AKAP6: variants seen among roughly 807,000 people sequenced by gnomAD.
AKAP6 encodes the protein A-kinase anchor protein 6.
Under a neutral mutation model 188.5 loss-of-function variants are expected in AKAP6, and 58 were observed. The ratio of observed to expected loss-of-function variants is 0.31; its 90% CI spans 0.25 to 0.38. The LOEUF is 0.38. AKAP6 is among the 10% of genes least tolerant of loss of function. The pLI is 1.00. For missense variants in AKAP6, 2,710 were observed against 2,740.0 expected (o/e 0.99, Z 0.24); for synonymous variants, 989 against 998.6 (o/e 0.99, Z 0.18).
rs1453018801 is a variant in AKAP6, at chr14:32,536,169, G to A, written c.576+364G>A. Among the ~76,000 whole-genome samples, 3 of 152,186 alleles carry A rather than the reference G, an allele frequency of 2.0e-5. No homozygotes were observed. The East Asian group carries it at 5.8e-4, about 29-fold the overall frequency. On this transcript the variant is annotated intron_variant, in intron 3 of 13. Coordinates refer to ENST00000280979, the MANE Select transcript of AKAP6 (RefSeq NM_004274.5). ...GGTTTCTGTCTTCAAGTAGCTTTGA[G>A]TCTAGAGGAAAATGGAGCCAAGTGA...
intron 1 of AKAP6, among the ~76,000 whole-genome samples, chr14:32,379,720 A>C (rs1888283691): frequency 6.6e-6 from 1 of 152,110 alleles, no homozygotes; most frequent in Non-Finnish European, 1.5e-5. Flanking sequence ...CCTCAAACTC[A>C]ACACTTTAGA....
At chr14:32,501,367 A>G (rs896877362) in intron 2 of AKAP6, among the ~76,000 whole-genome samples, 1 of 152,180 alleles carries the variant, frequency 6.6e-6, no homozygotes, top group Non-Finnish European at 1.5e-5. Context: ...TCATTTTTCT[A>G]GGACCTCAGA....
In AKAP6 at chr14:32,685,593, G is replaced by A. The variant is rs182300471; in HGVS notation, c.2879+7134G>A. 2.6e-5 allele frequency among the ~76,000 whole-genome samples: 4 copies of A among 151,838 alleles called. No homozygotes were observed. In the East Asian group the frequency reaches 7.8e-4, roughly 30 times the overall value. On this transcript the variant is annotated intron_variant, in intron 8 of 13. Transcript: ENST00000280979. ...CAAAAAATTAGCCAGGCATGGTGGT[G>A]GGCGCCTGTACTCCCAGCTACTAGG...
In AKAP6 at chr14:32,732,534, C is replaced by A. The variant is rs368446820; in HGVS notation, c.3081C>A (p.Gly1027=). The change falls in exon 10 of 14, where the codon GGC becomes GGA. Residue 1027 remains glycine (G), a synonymous_variant. Coordinates refer to ENST00000280979, the MANE Select transcript of AKAP6 (RefSeq NM_004274.5). ...AGGTTGAAGCTTTGAAGAAAGGTGG[C>A]GTTTTACTACCAAATGATCTCCTTG... ...LSKVEALKKG[G]VLLPNDLLEK... 9.9e-6 allele frequency: 16 copies of A among 1,613,464 alleles called. No homozygotes were observed. Among genetic ancestry groups the A allele is most frequent in the Admixed American group, 3.3e-5 (2 of 59,898 alleles).
chr14:32,588,308 A>G (rs1566591725), intron 5 of AKAP6, among the ~76,000 whole-genome samples: 1 of 152,252 alleles, frequency 6.6e-6, no homozygotes, highest in Non-Finnish European at 1.5e-5. Flanking sequence ...TTGTGTGGAT[A>G]TGCCACAGTT....
intron 1 of AKAP6, among the ~76,000 whole-genome samples, chr14:32,346,969 TATAG>T (rs573616254): frequency 4.4e-4 from 67 of 152,354 alleles, no homozygotes; most frequent in Non-Finnish European, 8.1e-4. Context: ...CAAAATATCA[TATAG>T]AGATATTTAT....
chr14:32,699,138 C>CT (rs1440546387), intron 9 of AKAP6, among the ~76,000 whole-genome samples: 2 of 152,050 alleles, frequency 1.3e-5, no homozygotes, highest in African/African-American at 4.8e-5. Context: ...GCTTATTTAG[C>CT]TTTTTCAACA....
intron 5 of AKAP6, among the ~76,000 whole-genome samples, chr14:32,591,739 A>G (rs1885496448): frequency 6.7e-6 from 1 of 150,336 alleles, no homozygotes; most frequent in African/African-American, 2.5e-5. Flanking sequence ...AAGAGTACAG[A>G]GTTCTTTTAT....
At chr14:32,615,683 C>T (rs112803475) in intron 7 of AKAP6, among the ~76,000 whole-genome samples, 6,074 of 150,206 alleles carry the variant, frequency 0.04, 437 homozygotes, top group African/African-American at 0.14. Flanking sequence ...GCAAGCTCCG[C>T]CTCTCAGGTT....
chr14:32,426,331 A>G (rs1251669423), intron 1 of AKAP6, among the ~76,000 whole-genome samples: 1 of 152,062 alleles, frequency 6.6e-6, no homozygotes, highest in East Asian at 1.9e-4. Context: ...TGTGAGAAAG[A>G]GATTGTTTCT....
At chr14:32,766,618 A>T (rs1358824823) in intron 11 of AKAP6, among the ~76,000 whole-genome samples, 1 of 151,784 alleles carries the variant, frequency 6.6e-6, no homozygotes, top group African/African-American at 2.4e-5. Flanking sequence ...CTTTTTTCAT[A>T]TTTTTTTGCC....
chr14:32,548,023 A>G (rs1883274340), intron 4 of AKAP6, among the ~76,000 whole-genome samples: 1 of 151,736 alleles, frequency 6.6e-6, no homozygotes, highest in East Asian at 1.9e-4. Context: ...GTTTGATGAC[A>G]TATCAATGGC....
At chr14:32,404,504 T>A (rs1889208678) in intron 1 of AKAP6, among the ~76,000 whole-genome samples, 1 of 151,438 alleles carries the variant, frequency 6.6e-6, no homozygotes, top group South Asian at 2.1e-4. Context: ...GTGCACATCC[T>A]GTGATATTTC....
At chr14:32,331,872 AC>A (rs1239999956) in intron 1 of AKAP6, among the ~76,000 whole-genome samples, 2 of 152,256 alleles carry the variant, frequency 1.3e-5, no homozygotes, top group Middle Eastern at 3.4e-3. Context: ...TGTCCTCTAT[AC>A]TTTTGGTCAT....
chr14:32,736,917 C>A (rs1472823993), intron 11 of AKAP6, among the ~76,000 whole-genome samples: 1 of 152,142 alleles, frequency 6.6e-6, no homozygotes, highest in Non-Finnish European at 1.5e-5. Flanking sequence ...AAACTATCTG[C>A]ATTGCACACC....
chr14:32,813,478 C>A (rs1478569066), intron 12 of AKAP6, among the ~76,000 whole-genome samples: 1 of 150,694 alleles, frequency 6.6e-6, no homozygotes, highest in East Asian at 2.0e-4. Flanking sequence ...GTGACCACCC[C>A]CAACCTGAGG....
chr14:32,820,667 T>TG (rs2034496232), intron 12 of AKAP6, among the ~76,000 whole-genome samples: 1 of 152,228 alleles, frequency 6.6e-6, no homozygotes, highest in Admixed American at 6.5e-5. Flanking sequence ...AGATAGAGAC[T>TG]GGAAAGAAAG....
intron 7 of AKAP6, among the ~76,000 whole-genome samples, chr14:32,617,211 C>T (rs1886616929): frequency 6.6e-6 from 1 of 152,148 alleles, no homozygotes; most frequent in Non-Finnish European, 1.5e-5. Context: ...CATGAGGGTA[C>T]CTCTAGTCTC....
At chr14:32,444,164 G>T (rs931621418) in intron 2 of AKAP6, among the ~76,000 whole-genome samples, 35 of 152,290 alleles carry the variant, frequency 2.3e-4, no homozygotes, top group African/African-American at 8.2e-4. Flanking sequence ...GTCTTAGGGT[G>T]ATTTTGCAAG....
Sources: allele counts gnomAD v4.1 joint callset (sites outside exome capture counted in the v4.1 genomes callset), GRCh38; gene constraint gnomAD v4.1.1; transcripts MANE v1.5; gene names NCBI Gene and HGNC (gene_info 2026-07-23, HGNC 2026-07-21).